Variants in MAN2B2 observed in about 807,000 individuals in gnomAD.
MAN2B2 encodes the protein mannosidase alpha class 2B member 2.
In MAN2B2, 106 loss-of-function variants were observed where a neutral mutation model predicts 117.1. That is an observed-to-expected ratio of 0.90 (90% CI 0.77 to 1.06). MAN2B2 has a LOEUF of 1.06. Among genes scored for constraint, MAN2B2 ranks in the 50% least tolerant of loss-of-function variants. The pLI is 0.00. For missense variants in MAN2B2, 1,326 were observed against 1,381.4 expected (o/e 0.96, Z 0.64); for synonymous variants, 544 against 595.1 (o/e 0.91, Z 1.25).
At chr4:6,606,905 G>A (rs976963350) in intron 11 of MAN2B2, among the ~76,000 whole-genome samples, 7 of 152,160 alleles carry the variant, frequency 4.6e-5, no homozygotes, top group African/African-American at 9.7e-5. Flanking sequence ...TGAAGGGAGC[G>A]CTTCTGTTCC....
intron 17 of MAN2B2, 175 bp from the exon 18 acceptor site, chr4:6,619,752 G>C (rs1029579530): frequency 6.2e-6 from 4 of 643,016 alleles, no homozygotes; most frequent in African/African-American, 1.8e-5. Flanking sequence ...GGCCAGTCCT[G>C]TCCTCGCAGA....
chr4:6,583,414 G>T (rs1726516092), intron 3 of MAN2B2, among the ~76,000 whole-genome samples: 1 of 152,216 alleles, frequency 6.6e-6, no homozygotes, highest in African/African-American at 2.4e-5. Context: ...CCAAGAAGGA[G>T]TGTGTGGTTC....
At position 6,614,206 on chromosome 4, in the gene MAN2B2, T is replaced by C; in HGVS notation, c.2564-12T>C. ...CCAAACCCTCTCCTCACTCTGTCCA[T>C]CTGCCTTGCAGGGACTGCGCCGAAG... On this transcript the variant is annotated splice_polypyrimidine_tract_variant and intron_variant, in intron 15 of 18. Transcript: ENST00000285599. 1 of 1,613,428 alleles carries C rather than the reference T, an allele frequency of 6.2e-7. No individual in the cohort carries two copies. Among genetic ancestry groups the C allele is most frequent in the Non-Finnish European group, 8.5e-7 (1 of 1,179,514 alleles).
At chr4:6,609,405 C>A in intron 12 of MAN2B2, 107 bp downstream of exon 12, 1 of 1,105,332 alleles carries the variant, frequency 9.0e-7, no homozygotes, top group Non-Finnish European at 1.3e-6. Flanking sequence ...AGCTTCCGGG[C>A]CGTGGTTGAC....
At chr4:6,615,405 G>A (rs1560665400) in intron 16 of MAN2B2, among the ~76,000 whole-genome samples, 1 of 152,154 alleles carries the variant, frequency 6.6e-6, no homozygotes, top group South Asian at 2.1e-4. Flanking sequence ...ACCAGGAGAT[G>A]TAGAAGCACT....
chr4:6,579,781 G>C (rs981530874), intron 3 of MAN2B2, among the ~76,000 whole-genome samples: 1 of 152,082 alleles, frequency 6.6e-6, no homozygotes, highest in African/African-American at 2.4e-5. Context: ...TGTGTCCACT[G>C]TCCTCAGCAC....
rs372077519 is a variant in MAN2B2 at position 6,611,030 on chromosome 4, C to T, written c.2370+40C>T. On this transcript the variant is annotated intron_variant, in intron 14 of 18. Transcript: ENST00000285599. ...CTGTCCTACAGCAGCCCCTCGCGGC[C>T]CCCTACAGGCATGCCCAGGTGCAAG... 52 of 1,612,768 alleles carry T rather than the reference C, an allele frequency of 3.2e-5. No individual in the cohort carries two copies. In the African/African-American group the frequency reaches 6.5e-4, roughly 20 times the overall value.
In MAN2B2 at chr4:6,611,164, G is replaced by A. The variant is rs768196873; in HGVS notation, c.2449G>A (p.Val817Ile). 59 of 1,613,808 alleles carry A rather than the reference G, an allele frequency of 3.7e-5. No individual in the cohort carries two copies. Among genetic ancestry groups the A allele is most frequent in the Non-Finnish European group, 4.7e-5 (55 of 1,180,028 alleles). ...CCTCACGCTGAACGACACCTCAGTC[G>A]TCCACCCAGTGCTCTGGCTTCTGCT... ...YNLTLNDTSV[V>I]HPVLWLLLGS... Residue 817 changes from valine (V) to isoleucine (I), a missense_variant, in exon 15 of 19, where the codon GTC becomes ATC. Physicochemically the swap from Val to Ile is conservative, Grantham distance 29. Transcript: ENST00000285599.
At position 6,576,651 on chromosome 4, in the gene MAN2B2, G is replaced by C. The variant is rs200793789; in HGVS notation, c.212G>C (p.Arg71Pro). 2 of 1,613,998 alleles carry C rather than the reference G, an allele frequency of 1.2e-6. No individual in the cohort carries two copies. The highest frequency in any genetic ancestry group is 1.7e-6 in the Non-Finnish European group (2 of 1,180,020). The change falls in exon 2 of 19, where the codon CGG (arginine) becomes CCG (proline). Residue 71 changes from arginine (R) to proline (P), a missense_variant. Coordinates refer to ENST00000285599, the MANE Select transcript of MAN2B2 (RefSeq NM_015274.3). ...VEELARGQQR[R>P]FIAVEQEFFR... ...GAGCTGGCCCGCGGCCAGCAGCGCC[G>C]GTTCATCGCTGTGGAGCAGGAGTTT...
chr4:6,587,048 G>A lies in MAN2B2; in HGVS notation c.444G>A (p.Trp148Ter). 1 of 1,614,038 alleles carries A rather than the reference G, an allele frequency of 6.2e-7. No homozygotes were observed. The highest frequency in any genetic ancestry group is 8.5e-7 in the Non-Finnish European group (1 of 1,180,008). Reference protein sequence around the residue: ...ETFGIRPQFSWHVDPFGASAT... With the variant: ...ETFGIRPQFS ...TTGGGATCCGGCCACAGTTCTCCTG[G>A]CACGTTGACCCGTTTGGCGCCTCTG... Residue 148 changes from tryptophan (W) to a stop codon, truncating the protein, a stop_gained, in exon 4 of 19, where the codon TGG (tryptophan) becomes TGA (stop). Transcript: ENST00000285599. LOFTEE classifies it high-confidence loss of function.
At chr4:6,599,595 G>A (rs569548223) in intron 9 of MAN2B2, among the ~76,000 whole-genome samples, 23 of 151,724 alleles carry the variant, frequency 1.5e-4, no homozygotes, top group African/African-American at 3.6e-4. Context: ...CCCAGGAGGC[G>A]GAGCTTGCAG....
Position 6,614,507 on chromosome 4 carries a change from C to T in MAN2B2, c.2701+152C>T, listed in dbSNP as rs943037135. On this transcript the variant is annotated intron_variant, in intron 16 of 18. Coordinates refer to ENST00000285599, the MANE Select transcript of MAN2B2 (RefSeq NM_015274.3). ...TATCTGGCACATGGGGAGAGTGAGG[C>T]CCAGGGAGAGTCAGTGATCAGTCAC... is the stretch of plus-strand genomic sequence containing the variant. The T allele has an allele frequency of 6.2e-5, 61 of 983,706 alleles. 2 individuals are homozygous for T. In the South Asian group the frequency reaches 7.7e-4, roughly 12 times the overall value. 60.9% of individuals were successfully genotyped at this position (983,706 alleles called of 1,614,324 possible).
At chr4:6,612,989 A>T (rs1218857214) in intron 15 of MAN2B2, among the ~76,000 whole-genome samples, 1 of 152,172 alleles carries the variant, frequency 6.6e-6, no homozygotes, top group African/African-American at 2.4e-5. Context: ...CCCACCTGGG[A>T]TGTGACTCTG....
chr4:6,588,994 C>T, intron 4 of MAN2B2, 51 bp from the exon 5 acceptor site: 1 of 1,398,434 alleles, frequency 7.2e-7, no homozygotes, highest in Non-Finnish European at 1.0e-6. Flanking sequence ...GGAAGTGGAG[C>T]TGGGGCAGCC....
chr4:6,603,264 C>T (rs1727405533), intron 10 of MAN2B2, among the ~76,000 whole-genome samples: 1 of 152,086 alleles, frequency 6.6e-6, no homozygotes, highest in Non-Finnish European at 1.5e-5. Context: ...CCAGCTGACC[C>T]TTCTTGGGGA....
intron 13 of MAN2B2, 81 bp from the exon 14 acceptor site, chr4:6,610,799 A>C: frequency 8.3e-7 from 1 of 1,197,784 alleles, no homozygotes; most frequent in East Asian, 2.3e-5. Flanking sequence ...GGGGAGCACC[A>C]GCTGGGGTGG....
rs1315564598 is a variant in MAN2B2 at position 6,605,266 on chromosome 4, CA to C, written c.1754del (p.Asn585ThrfsTer14). The C allele has an allele frequency of 6.2e-7, 1 of 1,614,188 alleles. No individual in the cohort carries two copies. The highest frequency in any genetic ancestry group is 8.5e-7 in the Non-Finnish European group (1 of 1,180,036). ...SHAGRYLVPVANDCYIVLLDQ... is the reference protein window; with the variant it reads ...SHAGRYLVPVXNDCYIVLLDQ... The stretch of plus-strand genomic sequence containing the variant: ...GCGGGCAGGTACTTGGTGCCTGTGG[CA>C]AACGACTGCTACATTGTGCTGCTCG... On this transcript the variant is annotated frameshift_variant, in exon 11 of 19. Coordinates refer to ENST00000285599, the MANE Select transcript of MAN2B2 (RefSeq NM_015274.3). LOFTEE classifies it high-confidence loss of function.
At chr4:6,611,965 G>A (rs1327022624) in intron 15 of MAN2B2, among the ~76,000 whole-genome samples, 2 of 152,214 alleles carry the variant, frequency 1.3e-5, no homozygotes, top group Non-Finnish European at 2.9e-5. Context: ...AGCAGAACAT[G>A]AGAAACATTA....
intron 3 of MAN2B2, 38 bp from the exon 4 acceptor site, chr4:6,586,958 G>A (rs751464149): frequency 1.8e-5 from 29 of 1,585,850 alleles, no homozygotes; most frequent in South Asian, 6.9e-5. Flanking sequence ...GCACAGGCCC[G>A]CCCTCCAGGC....
Sources: allele counts gnomAD v4.1 joint callset (sites outside exome capture counted in the v4.1 genomes callset), GRCh38; gene constraint gnomAD v4.1.1; transcripts MANE v1.5; gene names NCBI Gene and HGNC (gene_info 2026-07-23, HGNC 2026-07-21).